FILIP1L: variants seen among roughly 807,000 people sequenced by gnomAD.
FILIP1L encodes the protein filamin A-interacting protein 1-like.
A neutral mutation model predicts 96.6 loss-of-function variants in FILIP1L; 55 were observed. The observed-to-expected ratio is 0.57, with a 90% CI of 0.46 to 0.71. The LOEUF (loss-of-function observed/expected upper bound fraction) is 0.71, where lower values mean the gene tolerates loss of function less well. FILIP1L is among the 30% of genes least tolerant of loss of function. FILIP1L has a pLI of 0.00. For synonymous variants in FILIP1L, 467 were observed against 473.9 expected (o/e 0.99, Z 0.19); for missense variants, 1,304 against 1,321.2 (o/e 0.99, Z 0.20).
chr3:99,974,557 A>G (rs990827446), intron 1 of FILIP1L, among the ~76,000 whole-genome samples: 1 of 152,100 alleles, frequency 6.6e-6, no homozygotes, highest in Non-Finnish European at 1.5e-5. Context: ...TAAAAATACA[A>G]AATTAGCCGG....
rs1258964152 is a variant in FILIP1L, at chr3:99,850,726, T to C, written c.950A>G (p.Asp317Gly). 6.2e-7 allele frequency: 1 copy of C among 1,614,236 alleles called. No homozygotes were observed. The change falls in exon 5 of 6, where the codon GAC becomes GGC. Residue 317 changes from aspartate (D) to glycine (G), a missense_variant. Transcript: ENST00000477258. The stretch of plus-strand genomic sequence containing the variant: ...TTGTTGAAGCTGGCGATTTTGACTG[T>C]CCTCATTGGTGAGCTTCGCCATAAT... Reference protein sequence around the residue: ...DTIMAKLTNEDSQNRQLQQKL... With the variant: ...DTIMAKLTNEGSQNRQLQQKL...
chr3:99,954,370 A>G (rs1708260438), intron 1 of FILIP1L, among the ~76,000 whole-genome samples: 1 of 152,216 alleles, frequency 6.6e-6, no homozygotes, highest in African/African-American at 2.4e-5. Context: ...TAATCCAGCC[A>G]CACTGTGAGA....
intron 5 of FILIP1L, among the ~76,000 whole-genome samples, chr3:99,835,214 T>G (rs1942847371): frequency 6.6e-6 from 1 of 152,226 alleles, no homozygotes; most frequent in Admixed American, 6.5e-5. Flanking sequence ...GGGCTATACT[T>G]CTAATCACCT....
chr3:100,037,590 T>C (rs1196540240), intron 1 of FILIP1L, among the ~76,000 whole-genome samples: 2 of 152,190 alleles, frequency 1.3e-5, no homozygotes, highest in African/African-American at 4.8e-5. Flanking sequence ...ACAGAAATCC[T>C]TTTAGCAATC....
intron 1 of FILIP1L, among the ~76,000 whole-genome samples, chr3:99,950,692 G>C (rs961969521): frequency 6.6e-6 from 1 of 152,074 alleles, no homozygotes; most frequent in African/African-American, 2.4e-5. Flanking sequence ...GGCAGCCCAC[G>C]ATTCTCTTTA....
chr3:99,844,770 T>A (rs1374486475), intron 5 of FILIP1L, among the ~76,000 whole-genome samples: 1 of 152,116 alleles, frequency 6.6e-6, no homozygotes, highest in African/African-American at 2.4e-5. Context: ...CGTGGGGTGG[T>A]TTCCCCTGCT....
At chr3:99,969,114 G>A (rs2107714252) in intron 1 of FILIP1L, among the ~76,000 whole-genome samples, 1 of 152,312 alleles carries the variant, frequency 6.6e-6, no homozygotes, top group Middle Eastern at 3.4e-3. Flanking sequence ...GGGGGGCCAT[G>A]TGTGGAGGGC....
rs141956562 is a variant in FILIP1L, at chr3:99,993,904, A to G, written c.-10-62874T>C. Among the ~76,000 whole-genome samples the G allele has an allele frequency of 1.5e-4, 23 of 152,204 alleles. No homozygotes were observed. In the East Asian group the frequency reaches 2.7e-3, roughly 18 times the overall value. Reference sequence around the variant, plus strand: ...TATTTTGTTGATGATTTTTGTGTCTATGTTAATCAGGGATATTGGTTTATA... The same window carrying G: ...TATTTTGTTGATGATTTTTGTGTCTGTGTTAATCAGGGATATTGGTTTATA... On this transcript the variant is annotated intron_variant, in intron 1 of 5. Transcript: ENST00000477258.
At position 100,093,949 on chromosome 3, in the gene FILIP1L, C is replaced by G. The variant is rs924210259; in HGVS notation, c.-11+20104G>C. 1.4e-4 allele frequency among the ~76,000 whole-genome samples: 21 copies of G among 152,098 alleles called. 1 individual carries two copies. Among genetic ancestry groups the G allele is most frequent in the African/African-American group, 4.6e-4 (19 of 41,430 alleles). ...TTGTGTACAGGTTGTTGTGTGAACACAAGTTTTCATTTCCCTGGGATGAAT... is the reference window on the plus strand; with the variant it reads ...TTGTGTACAGGTTGTTGTGTGAACAGAAGTTTTCATTTCCCTGGGATGAAT... On this transcript the variant is annotated intron_variant, in intron 1 of 5. Coordinates refer to ENST00000477258, the MANE Select transcript of FILIP1L (RefSeq NM_001387850.1).
rs1357127900 is a variant in FILIP1L, at chr3:99,875,073, A to G, written c.606-24003T>C. 3.3e-5 allele frequency among the ~76,000 whole-genome samples: 5 copies of G among 152,250 alleles called. 1 individual carries two copies. The stretch of plus-strand genomic sequence containing the variant: ...ATAGTTGTTAAAGTTTTATTTTACA[A>G]TATATGTTTAGACCAGATAAGGATT... On this transcript the variant is annotated intron_variant, in intron 4 of 5. Transcript: ENST00000477258.
intron 4 of FILIP1L, among the ~76,000 whole-genome samples, chr3:99,906,101 G>A (rs1254401022): frequency 3.9e-5 from 6 of 152,146 alleles, no homozygotes; most frequent in African/African-American, 1.4e-4. Context: ...GGCTGAGGTG[G>A]GAGGATCGCT....
intron 1 of FILIP1L, among the ~76,000 whole-genome samples, chr3:100,039,050 G>A (rs772627070): frequency 2.0e-5 from 3 of 152,082 alleles, no homozygotes; most frequent in Non-Finnish European, 2.9e-5. Context: ...AGCAATAACA[G>A]ATGTTGGAAA....
intron 4 of FILIP1L, among the ~76,000 whole-genome samples, chr3:99,855,558 C>A (rs1943920056): frequency 6.6e-6 from 1 of 152,174 alleles, no homozygotes; most frequent in African/African-American, 2.4e-5. Flanking sequence ...GGAGCAAAGC[C>A]TGTGCGATTT....
chr3:99,900,261 A>G (rs1019353464), intron 4 of FILIP1L, among the ~76,000 whole-genome samples: 10 of 152,224 alleles, frequency 6.6e-5, no homozygotes, highest in African/African-American at 9.6e-5. Context: ...CAACTCATCT[A>G]CATTGATGAG....
chr3:100,083,725 A>G (rs1010820595), intron 1 of FILIP1L, among the ~76,000 whole-genome samples: 1 of 152,182 alleles, frequency 6.6e-6, no homozygotes, highest in African/African-American at 2.4e-5. Flanking sequence ...AAAATTTTTA[A>G]CATCACCATT....
chr3:100,004,664 AAG>A (rs1709937994), intron 1 of FILIP1L, among the ~76,000 whole-genome samples: 1 of 152,182 alleles, frequency 6.6e-6, no homozygotes, highest in South Asian at 2.1e-4. Flanking sequence ...CGGCTTCATG[AAG>A]AGAGAGCACC....
At chr3:99,942,160 C>G (rs78126099) in intron 1 of FILIP1L, among the ~76,000 whole-genome samples, 2,230 of 151,670 alleles carry the variant, frequency 0.015, 54 homozygotes, top group African/African-American at 0.052. Context: ...CGAGATCGTG[C>G]CACTGCACTC....
chr3:100,043,793 CTTATT>C (rs2065241512), intron 1 of FILIP1L, among the ~76,000 whole-genome samples: 1 of 152,196 alleles, frequency 6.6e-6, no homozygotes, highest in African/African-American at 2.4e-5. Context: ...ACCTCACCAA[CTTATT>C]TTATTGTGAC....
At chr3:100,097,555 T>C (rs1173369443) in intron 1 of FILIP1L, among the ~76,000 whole-genome samples, 4 of 152,214 alleles carry the variant, frequency 2.6e-5, no homozygotes, top group Admixed American at 1.3e-4. Context: ...GAGCATTTTG[T>C]AGTTTTCAGT....
Sources: allele counts gnomAD v4.1 joint callset (sites outside exome capture counted in the v4.1 genomes callset), GRCh38; gene constraint gnomAD v4.1.1; transcripts MANE v1.5; gene names NCBI Gene and HGNC (gene_info 2026-07-23, HGNC 2026-07-21).